Variants in CDH12 observed in about 807,000 individuals in gnomAD.
CDH12 encodes the protein cadherin-12.
In CDH12, 41 loss-of-function variants were observed where a neutral mutation model predicts 74.1. The observed-to-expected ratio is 0.55, with a 90% confidence interval of 0.43 to 0.72. CDH12 has a LOEUF of 0.72. CDH12 is among the 30% of genes least tolerant of loss of function. The probability of loss-of-function intolerance (pLI) is 0.00; values close to 1 mark genes in which losing one functional copy is unlikely to be tolerated. For missense variants in CDH12, 945 were observed against 977.2 expected (o/e 0.97, Z 0.44); for synonymous variants, 399 against 355.0 (o/e 1.12, Z -1.39).
chr5:22,543,583 ATGT>A (rs570615761), intron 1 of CDH12, among the ~76,000 whole-genome samples: 55 of 152,264 alleles, frequency 3.6e-4, no homozygotes, highest in Non-Finnish European at 6.9e-4. Flanking sequence ...CAAGAAGTAA[ATGT>A]TGTGATTTCT....
At chr5:22,802,456 T>A (rs1748583318) in intron 1 of CDH12, among the ~76,000 whole-genome samples, 1 of 152,268 alleles carries the variant, frequency 6.6e-6, no homozygotes, top group Admixed American at 6.5e-5. Flanking sequence ...AGTTAGTAAT[T>A]GTTTCAAATT....
chr5:22,147,253 T>C (rs974857218), intron 4 of CDH12, among the ~76,000 whole-genome samples: 21 of 152,210 alleles, frequency 1.4e-4, no homozygotes, highest in Non-Finnish European at 4.4e-5. Context: ...TTCGTTTTTA[T>C]CTTGAGGATC....
chr5:22,463,107 G>A (rs1745585338), intron 2 of CDH12, among the ~76,000 whole-genome samples: 2 of 152,082 alleles, frequency 1.3e-5, no homozygotes, highest in African/African-American at 2.4e-5. Flanking sequence ...CAAACTAAAA[G>A]GGACAAATGA....
At chr5:22,544,430 A>G (rs764892937) in intron 1 of CDH12, among the ~76,000 whole-genome samples, 2 of 152,180 alleles carry the variant, frequency 1.3e-5, no homozygotes, top group African/African-American at 4.8e-5. Flanking sequence ...CTTTTACCAT[A>G]TGTTCAAAAT....
chr5:21,818,464 C>A (rs900227894), intron 8 of CDH12, among the ~76,000 whole-genome samples: 1 of 151,930 alleles, frequency 6.6e-6, no homozygotes, highest in Non-Finnish European at 1.5e-5. Flanking sequence ...GTAGTTCTTT[C>A]ACAATCAGTT....
At chr5:22,334,421 C>T (rs1395941823) in intron 3 of CDH12, among the ~76,000 whole-genome samples, 1 of 151,922 alleles carries the variant, frequency 6.6e-6, no homozygotes, top group African/African-American at 2.4e-5. Context: ...GTTACAATGT[C>T]CATACTACCC....
chr5:22,485,387 T>C (rs1404380751), intron 2 of CDH12, among the ~76,000 whole-genome samples: 7 of 152,204 alleles, frequency 4.6e-5, no homozygotes, highest in Non-Finnish European at 7.3e-5. Context: ...GACAGGTCCT[T>C]GCTATGTTGC....
chr5:22,850,903 A>G (rs1466969606), intron 1 of CDH12, among the ~76,000 whole-genome samples: 3 of 152,126 alleles, frequency 2.0e-5, no homozygotes, highest in African/African-American at 7.2e-5. Flanking sequence ...GCATTTTAAG[A>G]GGCAAGAGTG....
chr5:22,025,427 G>C (rs1738283006), intron 5 of CDH12, among the ~76,000 whole-genome samples: 1 of 152,052 alleles, frequency 6.6e-6, no homozygotes, highest in Non-Finnish European at 1.5e-5. Context: ...TATATCTAAA[G>C]AAAATGCACA....
intron 3 of CDH12, among the ~76,000 whole-genome samples, chr5:22,305,131 G>A (rs969162638): frequency 6.6e-6 from 1 of 152,028 alleles, no homozygotes; most frequent in Non-Finnish European, 1.5e-5. Context: ...AGGTACTTTG[G>A]ATTTGTTGTT....
At chr5:22,757,149 C>T (rs377679010) in intron 1 of CDH12, among the ~76,000 whole-genome samples, 5 of 152,192 alleles carry the variant, frequency 3.3e-5, no homozygotes, top group African/African-American at 1.2e-4. Flanking sequence ...TTAATATTCT[C>T]CATGTAACTT....
At chr5:22,730,040 C>G (rs1744354414) in intron 1 of CDH12, among the ~76,000 whole-genome samples, 1 of 151,772 alleles carries the variant, frequency 6.6e-6, no homozygotes, top group Admixed American at 6.6e-5. Context: ...TTACAAAAAA[C>G]TACAATTAAA....
chr5:22,026,039 C>A (rs1019591158), intron 5 of CDH12, among the ~76,000 whole-genome samples: 5 of 152,134 alleles, frequency 3.3e-5, no homozygotes, highest in African/African-American at 4.8e-5. Flanking sequence ...TCAATCTCCC[C>A]CAAATTCCTA....
At chr5:22,815,031 C>A (rs897396792) in intron 1 of CDH12, among the ~76,000 whole-genome samples, 1 of 151,978 alleles carries the variant, frequency 6.6e-6, no homozygotes, top group African/African-American at 2.4e-5. Flanking sequence ...TAACTGTGCA[C>A]CCAGTGTTTC....
intron 3 of CDH12, among the ~76,000 whole-genome samples, chr5:22,219,983 C>T (rs1561232062): frequency 6.6e-6 from 1 of 151,616 alleles, no homozygotes; most frequent in Non-Finnish European, 1.5e-5. Context: ...CCAAATAAAA[C>T]TTTGTTTAAA....
intron 5 of CDH12, among the ~76,000 whole-genome samples, chr5:22,001,316 A>G (rs1462910651): frequency 1.5e-5 from 2 of 135,000 alleles, no homozygotes; most frequent in Non-Finnish European, 3.0e-5. Flanking sequence ...CCTCCTCCTT[A>G]TTAATAGAAT....
chr5:21,964,672 GTTC>G (rs1165010369), intron 6 of CDH12, among the ~76,000 whole-genome samples: 1 of 151,922 alleles, frequency 6.6e-6, no homozygotes, highest in African/African-American at 2.4e-5. Flanking sequence ...TGTAGACAGT[GTTC>G]TTTTTGACTG....
In CDH12 at chr5:22,650,216, G is replaced by A. The variant is rs193059419; in HGVS notation, c.-522-144852C>T. 1.9e-4 allele frequency among the ~76,000 whole-genome samples: 29 copies of A among 152,102 alleles called. No homozygotes were observed. The East Asian group carries it at 3.5e-3, about 18-fold the overall frequency. ...ATGATTAGTGGCTATCATAGAGAGT[G>A]GACAGAGAGGCAAAATCTTTGGGAA... On this transcript the variant is annotated intron_variant, in intron 1 of 14. Coordinates refer to ENST00000382254, the MANE Select transcript of CDH12 (RefSeq NM_004061.5).
At chr5:22,606,604 A>G (rs946670319) in intron 1 of CDH12, among the ~76,000 whole-genome samples, 3 of 152,122 alleles carry the variant, frequency 2.0e-5, no homozygotes, top group Non-Finnish European at 4.4e-5. Context: ...TCATGACTGT[A>G]AGTTTCATGA....
Sources: gnomAD v4.1 joint callset for allele counts (sites outside exome capture counted in the v4.1 genomes callset) on GRCh38, gnomAD v4.1.1 for gene constraint, MANE v1.5 for transcripts, NCBI Gene and HGNC (gene_info 2026-07-23, HGNC 2026-07-21) for gene names.